The following SSBP2 variants were observed in gnomAD, a reference collection of about 807,000 sequenced individuals.
The protein encoded by SSBP2 is single stranded DNA binding protein 2, also known as single-stranded DNA-binding protein 2.
A neutral mutation model predicts 61.8 loss-of-function variants in SSBP2; 17 were observed. The ratio of observed to expected loss-of-function variants is 0.28; its 90% confidence interval spans 0.19 to 0.41. SSBP2 has a LOEUF of 0.41. Ranked by LOEUF, SSBP2 falls within the 10% of genes least tolerant of loss-of-function variation. The pLI is 1.00. For synonymous variants in SSBP2, 139 were observed against 141.3 expected (o/e 0.98, Z 0.12); for missense variants, 310 against 458.7 (o/e 0.68, Z 2.96).
At chr5:81,683,755 C>T (rs1461115423) in intron 1 of SSBP2, among the ~76,000 whole-genome samples, 3 of 152,054 alleles carry the variant, frequency 2.0e-5, no homozygotes, top group African/African-American at 7.2e-5. Context: ...AAGCAAAGAA[C>T]TCTTAAAACA....
chr5:81,705,826 T>TA (rs1754340489), intron 1 of SSBP2, among the ~76,000 whole-genome samples: 2 of 152,106 alleles, frequency 1.3e-5, no homozygotes, highest in Admixed American at 1.3e-4. Context: ...GTATGTTATA[T>TA]TAAAAAGTCA....
At chr5:81,725,118 A>C (rs1181429831) in intron 1 of SSBP2, among the ~76,000 whole-genome samples, 1 of 152,196 alleles carries the variant, frequency 6.6e-6, no homozygotes, top group Non-Finnish European at 1.5e-5. Flanking sequence ...ACAATGAAAG[A>C]TAAAGCAGAA....
chr5:81,621,669 C>T (rs1321827286), intron 3 of SSBP2, among the ~76,000 whole-genome samples: 2 of 69,812 alleles, frequency 2.9e-5, no homozygotes, highest in Non-Finnish European at 5.2e-5. Flanking sequence ...ATGTTTATTG[C>T]GGCACTATTC....
At chr5:81,448,972 G>A in intron 10 of SSBP2, 147 bp from the exon 11 acceptor site, 1 of 634,724 alleles carries the variant, frequency 1.6e-6, no homozygotes, top group South Asian at 2.0e-5. Flanking sequence ...ATCTGTTTAA[G>A]TACTGGAAAA....
At chr5:81,722,472 G>A (rs567056172) in intron 1 of SSBP2, among the ~76,000 whole-genome samples, 5 of 146,154 alleles carry the variant, frequency 3.4e-5, no homozygotes, top group African/African-American at 5.2e-5. Context: ...TCTGGGCTAG[G>A]AGACCTACCT....
intron 4 of SSBP2, among the ~76,000 whole-genome samples, chr5:81,554,126 T>C (rs1202933385): frequency 6.6e-6 from 1 of 152,120 alleles, no homozygotes; most frequent in African/African-American, 2.4e-5. Context: ...TAAAATCAAC[T>C]TGAATAATAA....
chr5:81,664,121 T>C (rs1750919599), intron 1 of SSBP2, among the ~76,000 whole-genome samples: 1 of 123,996 alleles, frequency 8.1e-6, no homozygotes, highest in South Asian at 2.5e-4. Context: ...TTTTTGTTTT[T>C]TGTTTTTGTT....
At chr5:81,661,244 T>A (rs897228382) in intron 1 of SSBP2, among the ~76,000 whole-genome samples, 1 of 152,198 alleles carries the variant, frequency 6.6e-6, no homozygotes, top group Non-Finnish European at 1.5e-5. Context: ...TAGTCTATTT[T>A]CCTTCATCTG....
intron 1 of SSBP2, among the ~76,000 whole-genome samples, chr5:81,685,027 G>C (rs1268946692): frequency 6.6e-6 from 1 of 152,038 alleles, no homozygotes; most frequent in Non-Finnish European, 1.5e-5. Context: ...TTCTTCTTGT[G>C]ATAGTGAGTT....
At chr5:81,500,458 C>T (rs182152459) in intron 5 of SSBP2, among the ~76,000 whole-genome samples, 5 of 151,496 alleles carry the variant, frequency 3.3e-5, no homozygotes, top group South Asian at 2.1e-4. Flanking sequence ...GTGATCCTCC[C>T]GCTGTGGCAT....
intron 6 of SSBP2, among the ~76,000 whole-genome samples, chr5:81,480,313 T>A (rs1323512562): frequency 6.6e-6 from 1 of 152,188 alleles, no homozygotes; most frequent in African/African-American, 2.4e-5. Context: ...GCAATAAAAG[T>A]GAATATCACA....
chr5:81,500,036 A>G (rs1767580376), intron 5 of SSBP2, among the ~76,000 whole-genome samples: 1 of 152,132 alleles, frequency 6.6e-6, no homozygotes, highest in Non-Finnish European at 1.5e-5. Flanking sequence ...AAACTGGCCT[A>G]TGGGCTTGAT....
chr5:81,436,264 G>A (rs1762672665), intron 15 of SSBP2, among the ~76,000 whole-genome samples: 1 of 150,100 alleles, frequency 6.7e-6, no homozygotes, highest in South Asian at 2.1e-4. Flanking sequence ...AAGGCCCAGA[G>A]AGAAGGCTCT....
At chr5:81,545,560 T>G (rs1357089991) in intron 4 of SSBP2, among the ~76,000 whole-genome samples, 1 of 152,220 alleles carries the variant, frequency 6.6e-6, no homozygotes, top group Non-Finnish European at 1.5e-5. Flanking sequence ...CTTCTGCCTC[T>G]CAGGCACAGT....
In SSBP2 at chr5:81,488,884, G is replaced by T. The variant is rs561556388; in HGVS notation, c.432+366C>A. Among the ~76,000 whole-genome samples the T allele has an allele frequency of 3.3e-5, 5 of 151,898 alleles. No individual in the cohort carries two copies. In the South Asian group the frequency reaches 6.2e-4, roughly 19 times the overall value. On this transcript the variant is annotated intron_variant, in intron 6 of 16. Transcript: ENST00000320672. Reference sequence around the variant, plus strand: ...CAAAATTACACAAGTTTTTAAATTAGGTTCGAAGTATAAGGTAGACTCCAA... The same window carrying T: ...CAAAATTACACAAGTTTTTAAATTATGTTCGAAGTATAAGGTAGACTCCAA...
rs187946844 is a variant in SSBP2 at position 81,714,347 on chromosome 5, A to G, written c.62+36634T>C. On this transcript the variant is annotated intron_variant, in intron 1 of 16. Coordinates refer to ENST00000320672, the MANE Select transcript of SSBP2 (RefSeq NM_012446.5). Reference sequence around the variant, plus strand: ...GTTGATTCAAGTCTTTGCTATTGTGAATAGTGCTGCAATAAACATACATGT... The same window carrying G: ...GTTGATTCAAGTCTTTGCTATTGTGGATAGTGCTGCAATAAACATACATGT... Among the ~76,000 whole-genome samples the G allele has an allele frequency of 3.2e-3, 493 of 152,296 alleles. 2 individuals carry two copies. The highest frequency in any genetic ancestry group is 0.011 in the African/African-American group (473 of 41,566).
intron 1 of SSBP2, among the ~76,000 whole-genome samples, chr5:81,739,159 A>G (rs566993459): frequency 0.012 from 995 of 80,776 alleles, 4 homozygotes; most frequent in Middle Eastern, 0.06. Flanking sequence ...GTGAGACTCC[A>G]TCTCCAAAAA....
rs946162043 is a variant in SSBP2 at position 81,588,845 on chromosome 5, C to A, written c.282+26628G>T. On this transcript the variant is annotated intron_variant, in intron 4 of 16. Coordinates refer to ENST00000320672, the MANE Select transcript of SSBP2 (RefSeq NM_012446.5). ...TTGGGAGGCTGAGGCAGGTGGAACT[C>A]CTGAGCCCAAGAGTTGGAGACCAGC... Among the ~76,000 whole-genome samples the A allele has an allele frequency of 2.6e-5, 4 of 152,274 alleles. No individual in the cohort carries two copies. The South Asian group carries it at 8.3e-4, about 32-fold the overall frequency.
rs574294302 is a variant in SSBP2, at chr5:81,661,881, T to A, written c.63-11542A>T. ...TACCTACTTTTGCTTTTGTTGGCTA[T>A]GCTTTTGAGGTCATATCCATGAAAT... On this transcript the variant is annotated intron_variant, in intron 1 of 16. Coordinates refer to ENST00000320672, the MANE Select transcript of SSBP2 (RefSeq NM_012446.5). 2.6e-5 allele frequency among the ~76,000 whole-genome samples: 4 copies of A among 152,360 alleles called. No homozygotes were observed. In the South Asian group the frequency reaches 6.2e-4, roughly 24 times the overall value.
Sources: allele counts gnomAD v4.1 joint callset (sites outside exome capture counted in the v4.1 genomes callset), GRCh38; gene constraint gnomAD v4.1.1; transcripts MANE v1.5; gene names NCBI Gene and HGNC (gene_info 2026-07-23, HGNC 2026-07-21).